The following ARHGAP44 variants were observed in gnomAD, a reference collection of about 807,000 sequenced individuals.
ARHGAP44 encodes rho GTPase-activating protein 44.
Under a neutral mutation model 106.8 loss-of-function variants are expected in ARHGAP44, and 43 were observed. That is an observed-to-expected ratio of 0.40 (90% CI 0.32 to 0.52). ARHGAP44 has a LOEUF of 0.52. Ranked by LOEUF, ARHGAP44 falls within the 20% of genes least tolerant of loss-of-function variation. ARHGAP44 has a pLI of 0.48. For missense variants in ARHGAP44, 866 were observed against 1,050.5 expected (o/e 0.82, Z 2.43); for synonymous variants, 439 against 410.3 (o/e 1.07, Z -0.85).
At chr17:12,903,491 T>TAAATA (rs2037456649) in intron 3 of ARHGAP44, among the ~76,000 whole-genome samples, 3 of 152,302 alleles carry the variant, frequency 2.0e-5, no homozygotes, top group Non-Finnish European at 2.9e-5. Context: ...TGGGACTGGC[T>TAAATA]TTGTCAGTGT....
rs77237087 is a variant in ARHGAP44 at position 12,977,381 on chromosome 17, C to G, written c.1764-2677C>G. On this transcript the variant is annotated intron_variant, in intron 18 of 20. Coordinates refer to ENST00000379672, the MANE Select transcript of ARHGAP44 (RefSeq NM_014859.6). ...GGCCGGATTCTCGTTCTGGCTCCCC[C>G]TCCCCTGATGGCAGGCCCTTCCTTG... 2.1e-3 allele frequency among the ~76,000 whole-genome samples: 323 copies of G among 152,220 alleles called. 4 individuals are homozygous for G. In the East Asian group the frequency reaches 0.054, roughly 26 times the overall value.
At chr17:12,920,953 A>T (rs1257811865) in intron 6 of ARHGAP44, among the ~76,000 whole-genome samples, 5 of 152,160 alleles carry the variant, frequency 3.3e-5, no homozygotes, top group Non-Finnish European at 5.9e-5. Flanking sequence ...TTACAGTGGG[A>T]TATGTGTATA....
intron 7 of ARHGAP44, among the ~76,000 whole-genome samples, chr17:12,933,880 G>T (rs2038470011): frequency 6.8e-6 from 1 of 147,894 alleles, no homozygotes; most frequent in South Asian, 2.1e-4. Context: ...ACGGTGTCTG[G>T]CTCTGTCGCC....
intron 10 of ARHGAP44, among the ~76,000 whole-genome samples, chr17:12,946,749 C>T (rs375109886): frequency 4.0e-5 from 6 of 150,790 alleles, no homozygotes; most frequent in Non-Finnish European, 5.9e-5. Context: ...TGCAATGAGC[C>T]GAGATCACGC....
At chr17:12,965,584 A>T (rs2039371455) in intron 16 of ARHGAP44, among the ~76,000 whole-genome samples, 2 of 152,314 alleles carry the variant, frequency 1.3e-5, no homozygotes, top group South Asian at 4.2e-4. Flanking sequence ...TATATTATGA[A>T]TGGGGAGGAG....
chr17:12,973,190 AC>A lies in ARHGAP44; in HGVS notation c.1524-108del, dbSNP rs1567717510. ...AATTTTATAGCACAATAAAAATCCC[AC>A]CCCAAGACCCTGGACCATGGAGAGA... On this transcript the variant is annotated intron_variant, in intron 16 of 20. Coordinates refer to ENST00000379672, the MANE Select transcript of ARHGAP44 (RefSeq NM_014859.6). 21 of 1,079,868 alleles carry A rather than the reference AC, an allele frequency of 1.9e-5. No homozygotes were observed. The South Asian group carries it at 3.1e-4, about 16-fold the overall frequency. The allele number at this position is 1,079,868 out of a possible 1,614,324, so 66.9% of individuals were successfully genotyped here. A position where few individuals can be genotyped will look rare whatever the true frequency, so the allele number is the denominator to read the frequency against.
At chr17:12,803,359 T>A (rs960445776) in intron 1 of ARHGAP44, among the ~76,000 whole-genome samples, 2 of 152,102 alleles carry the variant, frequency 1.3e-5, no homozygotes, top group African/African-American at 4.8e-5. Flanking sequence ...TGCCTGCCTC[T>A]GCCTCCCTAA....
At position 12,896,534 on chromosome 17, in the gene ARHGAP44, G is replaced by A. The variant is rs1199210227; in HGVS notation, c.198+23G>A. On this transcript the variant is annotated intron_variant, in intron 3 of 20. Transcript: ENST00000379672. ...TCCGTAAGTGCCCTCCCAGCCCTGG[G>A]GAGCTGAAATCTTGCCTACTGAGGA... 4.5e-6 allele frequency: 7 copies of A among 1,568,620 alleles called. No individual in the cohort carries two copies. The South Asian group carries it at 4.7e-5, about 11-fold the overall frequency.
At position 12,955,939 on chromosome 17, in the gene ARHGAP44, A is replaced by C. The variant is rs571956780; in HGVS notation, c.1209A>C (p.Ala403=). ...DVNKMTPSNM[A]IVLGPNLLWP... is the part of the protein sequence containing the mutation. ...ACAAGATGACTCCCAGTAATATGGC[A>C]ATTGTTTTAGGACCCAACCTCCTAT... Residue 403 remains alanine (A), a synonymous_variant, in exon 14 of 21, where the codon GCA becomes GCC. Coordinates refer to ENST00000379672, the MANE Select transcript of ARHGAP44 (RefSeq NM_014859.6). The C allele has an allele frequency of 6.2e-7, 1 of 1,613,404 alleles. No homozygotes were observed. The highest frequency in any genetic ancestry group is 2.2e-5 in the East Asian group (1 of 44,810).
Position 12,971,523 on chromosome 17 carries a change from T to C in ARHGAP44, c.1524-1779T>C, listed in dbSNP as rs115901676. On this transcript the variant is annotated intron_variant, in intron 16 of 20. Coordinates refer to ENST00000379672, the MANE Select transcript of ARHGAP44 (RefSeq NM_014859.6). Reference sequence around the variant, plus strand: ...TATCAGTTCCGTTCCCTAAGAGGAATGTTAAGCTCTTTGTTCTTTTCATCC... The same window carrying C: ...TATCAGTTCCGTTCCCTAAGAGGAACGTTAAGCTCTTTGTTCTTTTCATCC... Among the ~76,000 whole-genome samples the C allele has an allele frequency of 6.6e-3, 1,003 of 152,260 alleles. 8 individuals are homozygous for C. The highest frequency in any genetic ancestry group is 0.034 in the South Asian group (164 of 4,826).
chr17:12,903,101 A>C (rs1244930791), intron 3 of ARHGAP44, among the ~76,000 whole-genome samples: 1 of 113,948 alleles, frequency 8.8e-6, no homozygotes, highest in African/African-American at 4.3e-5. Flanking sequence ...AGAGAGAGAG[A>C]GAGAGAGAGA....
intron 1 of ARHGAP44, among the ~76,000 whole-genome samples, chr17:12,831,184 G>GT (rs1212293280): frequency 6.6e-6 from 1 of 152,180 alleles, no homozygotes; most frequent in East Asian, 1.9e-4. Context: ...GGTCAGGAGG[G>GT]TGGTTACCTT....
At chr17:12,955,753 A>G in intron 13 of ARHGAP44, 114 bp from the exon 14 acceptor site, 1 of 635,518 alleles carries the variant, frequency 1.6e-6, no homozygotes. Context: ...TTGCAGGTGC[A>G]CGAGTCTCCT....
rs77114515 is a variant in ARHGAP44 at position 12,849,467 on chromosome 17, G to A, written c.54-45473G>A. ...TGGCTGGGCTTGTTCACCTGAATCC[G>A]ATTTTCTGTTTCTGGTTTGAATTGT... On this transcript the variant is annotated intron_variant, in intron 1 of 20. Transcript: ENST00000379672. 4.9e-3 allele frequency among the ~76,000 whole-genome samples: 736 copies of A among 151,278 alleles called. 25 individuals carry two copies. The East Asian group carries it at 0.071, about 15-fold the overall frequency.
intron 1 of ARHGAP44, among the ~76,000 whole-genome samples, chr17:12,835,257 G>T (rs1328621371): frequency 6.6e-6 from 1 of 152,162 alleles, no homozygotes; most frequent in Non-Finnish European, 1.5e-5. Context: ...AAATAATCCA[G>T]TTGAGTTGAG....
In ARHGAP44 at chr17:12,974,291, C is replaced by A. The variant is rs1490152228; in HGVS notation, c.1744C>A (p.Pro582Thr). The A allele has an allele frequency of 8.3e-6, 12 of 1,448,640 alleles. No homozygotes were observed. Among genetic ancestry groups the A allele is most frequent in the Non-Finnish European group, 1.1e-5 (12 of 1,107,690 alleles). The allele number at this position is 1,448,640 out of a possible 1,614,324, so 89.7% of individuals were successfully genotyped here. The change falls in exon 18 of 21, where the codon CCT becomes ACT. Residue 582 changes from proline (P) to threonine (T), a missense_variant. Coordinates refer to ENST00000379672, the MANE Select transcript of ARHGAP44 (RefSeq NM_014859.6). ...ALSPSGLGLQ[P>T]GPERTSTTKS... ...CTCTCCATCCGGCCTGGGCCTCCAG[C>A]CTGGGCCCGAGCGCACCAGGTAAGC...
At chr17:12,933,585 A>T (rs7225108) in intron 7 of ARHGAP44, among the ~76,000 whole-genome samples, 37,632 of 152,074 alleles carry the variant, frequency 0.25, 5,020 homozygotes, top group East Asian at 0.54. Flanking sequence ...TCTATAAAAG[A>T]CCCCTGAATC....
intron 4 of ARHGAP44, among the ~76,000 whole-genome samples, chr17:12,913,968 C>CA (rs58231055): frequency 0.013 from 816 of 63,246 alleles, 25 homozygotes; most frequent in African/African-American, 0.032. Flanking sequence ...GATTTTGTCT[C>CA]AAAAAAAAAA....
Position 12,949,033 on chromosome 17 carries a change from A to T in ARHGAP44, c.862-107A>T. On this transcript the variant is annotated intron_variant, in intron 10 of 20. Transcript: ENST00000379672. This position sits in a 1 kb window ranked among gnomAD's most constrained non-coding sequence, Gnocchi z 4.1. ...GGGATTGGGAGATGGTGTTGGGCAA[A>T]TGCATGTAAGAGGTTTTGGAGAAAA... is the stretch of plus-strand genomic sequence containing the variant. 1 of 1,101,372 alleles carries T rather than the reference A, an allele frequency of 9.1e-7. No homozygotes were observed. The highest frequency in any genetic ancestry group is 1.4e-5 in the South Asian group (1 of 73,842). The allele number at this position is 1,101,372 out of a possible 1,614,324, so 68.2% of individuals were successfully genotyped here.
Sources: allele counts gnomAD v4.1 joint callset (sites outside exome capture counted in the v4.1 genomes callset), GRCh38; gene constraint gnomAD v4.1.1; non-coding constraint Gnocchi (gnomAD v3.1); transcripts MANE v1.5; gene names NCBI Gene and HGNC (gene_info 2026-07-23, HGNC 2026-07-21).